The following MYRIP variants were observed in gnomAD, a reference collection of about 807,000 sequenced individuals.
The protein encoded by MYRIP is myosin VIIA and Rab interacting protein, also known as rab effector MyRIP.
Under a neutral mutation model 98.0 loss-of-function variants are expected in MYRIP, and 49 were observed. That is an observed-to-expected ratio of 0.50 (90% confidence interval 0.40 to 0.63). The LOEUF (loss-of-function observed/expected upper bound fraction) is 0.63, where lower values mean the gene tolerates loss of function less well. Ranked by LOEUF, MYRIP falls within the 30% of genes least tolerant of loss-of-function variation. The pLI, the probability that MYRIP is intolerant of heterozygous loss-of-function variation, is 0.00. For missense variants in MYRIP, 1,004 were observed against 1,058.2 expected (o/e 0.95, Z 0.71); for synonymous variants, 404 against 409.5 (o/e 0.99, Z 0.16).
chr3:39,818,858 T>A lies in MYRIP; in HGVS notation c.-31+8942T>A, dbSNP rs553109819. On this transcript the variant is annotated intron_variant, in intron 1 of 16. Coordinates refer to ENST00000302541, the MANE Select transcript of MYRIP (RefSeq NM_015460.4). ...AAATTTCTATAGCAATGTAGATGGA[T>A]TGTATCTGTCACATTAAGGAGATAA... Among the ~76,000 whole-genome samples the A allele has an allele frequency of 1.5e-4, 23 of 152,292 alleles. 1 individual carries two copies. The Middle Eastern group carries it at 0.017, about 113-fold the overall frequency.
At chr3:40,057,657 T>G (rs1947911601) in intron 3 of MYRIP, among the ~76,000 whole-genome samples, 1 of 152,164 alleles carries the variant, frequency 6.6e-6, no homozygotes, top group South Asian at 2.1e-4. Context: ...GAGCCTAAAA[T>G]ATGTTATCAA....
At chr3:40,131,274 A>G (rs754757731) in intron 3 of MYRIP, among the ~76,000 whole-genome samples, 8 of 152,200 alleles carry the variant, frequency 5.3e-5, no homozygotes, top group Non-Finnish European at 1.0e-4. Context: ...TACATTCTGT[A>G]CCAACTCTTA....
intron 9 of MYRIP, among the ~76,000 whole-genome samples, chr3:40,189,602 T>C (rs1951142979): frequency 6.6e-6 from 1 of 152,170 alleles, no homozygotes; most frequent in Non-Finnish European, 1.5e-5. Context: ...ATCTCTGAGT[T>C]TCTCTGCATC....
Position 39,956,834 on chromosome 3 carries a change from T to C in MYRIP, c.110+55908T>C, listed in dbSNP as rs146159366. On this transcript the variant is annotated intron_variant, in intron 2 of 16. Transcript: ENST00000302541. Reference sequence around the variant, plus strand: ...AGAATCAAATAGATGGAATAAAAAATGATAAAGGGGATATCACCACCGATC... The same window carrying C: ...AGAATCAAATAGATGGAATAAAAAACGATAAAGGGGATATCACCACCGATC... Among the ~76,000 whole-genome samples, 411 of 151,710 alleles carry C rather than the reference T, an allele frequency of 2.7e-3. 16 individuals carry two copies. The highest frequency in any genetic ancestry group is 9.0e-3 in the African/African-American group (369 of 41,114).
In MYRIP at chr3:40,151,168, G is replaced by A. The variant is rs778328278; in HGVS notation, c.453G>A (p.Ala151=). 2.5e-5 allele frequency: 40 copies of A among 1,604,476 alleles called. No homozygotes were observed. Among genetic ancestry groups the A allele is most frequent in the Admixed American group, 1.7e-4 (10 of 59,136 alleles). ...LYRKHRLESG[A]CFDILGGSLF... ...GGAAGCACCGGCTGGAGAGTGGCGC[G>A]TGCTTCGACATTCTAGGTACTCTCA... is the stretch of plus-strand genomic sequence containing the variant. Residue 151 remains alanine (A), a synonymous_variant, in exon 4 of 17, where the codon GCG becomes GCA. Transcript: ENST00000302541.
In MYRIP at chr3:40,224,626, G is replaced by A. The variant is rs143636367; in HGVS notation, c.1906-9233G>A. Reference sequence around the variant, plus strand: ...CAAGAAAATGACCTCAGGGAAACATGGAGATCATTGGAACTAAACTACAAA... The same window carrying A: ...CAAGAAAATGACCTCAGGGAAACATAGAGATCATTGGAACTAAACTACAAA... On this transcript the variant is annotated intron_variant, in intron 11 of 16. Coordinates refer to ENST00000302541, the MANE Select transcript of MYRIP (RefSeq NM_015460.4). 3.1e-3 allele frequency among the ~76,000 whole-genome samples: 470 copies of A among 152,230 alleles called. 3 individuals are homozygous for A. Among genetic ancestry groups the A allele is most frequent in the African/African-American group, 9.5e-3 (393 of 41,540 alleles).
At chr3:39,826,178 T>C (rs945192386) in intron 1 of MYRIP, among the ~76,000 whole-genome samples, 1 of 152,016 alleles carries the variant, frequency 6.6e-6, no homozygotes, top group African/African-American at 2.4e-5. Flanking sequence ...TTATTTCTGC[T>C]CTTTATTATT....
At chr3:39,907,487 C>T (rs9862276) in intron 2 of MYRIP, among the ~76,000 whole-genome samples, 16,647 of 152,126 alleles carry the variant, frequency 0.11, 1,023 homozygotes, top group Middle Eastern at 0.18. Flanking sequence ...ACTACCTCTC[C>T]CCTCGCCTTC....
intron 1 of MYRIP, among the ~76,000 whole-genome samples, chr3:39,872,309 T>A (rs1376546084): frequency 6.6e-6 from 1 of 151,872 alleles, no homozygotes; most frequent in Non-Finnish European, 1.5e-5. Context: ...TGTATTTATG[T>A]CAAATGGAAA....
In MYRIP at chr3:39,861,203, G is replaced by A. The variant is rs573653591; in HGVS notation, c.-30-39584G>A. The stretch of plus-strand genomic sequence containing the variant: ...GCTTGATGCTAGCCCCCCAGAGTTA[G>A]AGCATGCAGCTCACGAGTCCTCAGC... On this transcript the variant is annotated intron_variant, in intron 1 of 16. Transcript: ENST00000302541. 4.6e-5 allele frequency among the ~76,000 whole-genome samples: 7 copies of A among 152,200 alleles called. 1 individual carries two copies. The highest frequency in any genetic ancestry group is 4.6e-4 in the Admixed American group (7 of 15,278).
Position 40,032,686 on chromosome 3 carries a change from G to A in MYRIP, c.111-11364G>A, listed in dbSNP as rs529501605. Among the ~76,000 whole-genome samples, 1,164 of 152,104 alleles carry A rather than the reference G, an allele frequency of 7.7e-3. 14 individuals carry two copies. Among genetic ancestry groups the A allele is most frequent in the African/African-American group, 0.024 (1,012 of 41,522 alleles). ...ATTCCTTCTGAAACTATTCCAATCA[G>A]TAGAAAAAGAGGGAATCCTCCCTAA... On this transcript the variant is annotated intron_variant, in intron 2 of 16. Coordinates refer to ENST00000302541, the MANE Select transcript of MYRIP (RefSeq NM_015460.4).
rs78810785 is a variant in MYRIP, at chr3:40,207,930, T to C, written c.1666-1924T>C. ...ATTCATCTTTTGAGTCATCTAGTGA[T>C]TGTGAAATGTTGTTCTCTGTCAGTT... On this transcript the variant is annotated intron_variant, in intron 10 of 16. Coordinates refer to ENST00000302541, the MANE Select transcript of MYRIP (RefSeq NM_015460.4). 2.0e-3 allele frequency among the ~76,000 whole-genome samples: 301 copies of C among 152,314 alleles called. 1 individual carries two copies. The highest frequency in any genetic ancestry group is 7.0e-3 in the African/African-American group (292 of 41,578).
At chr3:40,234,074 CCT>C (rs1379427675) in intron 12 of MYRIP, 21 bp downstream of exon 12, 4 of 1,585,060 alleles carry the variant, frequency 2.5e-6, no homozygotes, top group Non-Finnish European at 3.4e-6. Context: ...ATGGAGGTGC[CCT>C]GTCTAGGGTG....
At chr3:39,915,836 T>C (rs765034498) in intron 2 of MYRIP, among the ~76,000 whole-genome samples, 8 of 152,060 alleles carry the variant, frequency 5.3e-5, no homozygotes, top group Non-Finnish European at 1.2e-4. Flanking sequence ...AAATCGTTGA[T>C]ATTAATAATC....
intron 2 of MYRIP, among the ~76,000 whole-genome samples, chr3:40,013,932 C>T (rs989807878): frequency 3.9e-5 from 6 of 152,214 alleles, no homozygotes; most frequent in African/African-American, 1.4e-4. Flanking sequence ...ATATTCTAAA[C>T]ACAGCTCCTG....
intron 2 of MYRIP, among the ~76,000 whole-genome samples, chr3:39,944,048 A>G (rs1321614590): frequency 1.3e-5 from 2 of 152,202 alleles, no homozygotes; most frequent in African/African-American, 4.8e-5. Flanking sequence ...AAATCAGGAT[A>G]GGAATTTGAA....
intron 2 of MYRIP, among the ~76,000 whole-genome samples, chr3:39,998,197 C>A (rs1048809743): frequency 6.6e-6 from 1 of 152,078 alleles, no homozygotes; most frequent in Admixed American, 6.6e-5. Context: ...AATCAGGCTG[C>A]AGAAGGAAAT....
intron 2 of MYRIP, among the ~76,000 whole-genome samples, chr3:39,984,415 C>A (rs1214075193): frequency 6.6e-6 from 1 of 151,938 alleles, no homozygotes; most frequent in Admixed American, 6.6e-5. Context: ...TGTGATGTTC[C>A]CCTTCCTGTG....
chr3:39,857,406 A>G (rs1009986483), intron 1 of MYRIP, among the ~76,000 whole-genome samples: 1 of 152,236 alleles, frequency 6.6e-6, no homozygotes, highest in Non-Finnish European at 1.5e-5. Flanking sequence ...AAAAGTTCAA[A>G]GAGAAATCAT....
Sources: gnomAD v4.1 joint callset for allele counts (sites outside exome capture counted in the v4.1 genomes callset) on GRCh38, gnomAD v4.1.1 for gene constraint, MANE v1.5 for transcripts, NCBI Gene and HGNC (gene_info 2026-07-23, HGNC 2026-07-21) for gene names.